Variants in KCNAB3 observed in about 807,000 individuals in gnomAD.
KCNAB3 encodes voltage-gated potassium channel subunit beta-3.
In KCNAB3, 62 loss-of-function variants were observed where a neutral mutation model predicts 67.7. The ratio of observed to expected loss-of-function variants is 0.92; its 90% CI spans 0.75 to 1.13. KCNAB3 has a LOEUF of 1.13. Ranked by LOEUF, KCNAB3 falls within the 50% of genes most tolerant of loss-of-function variation. The pLI is 0.00. For synonymous variants in KCNAB3, 212 were observed against 205.4 expected, an observed-to-expected ratio of 1.03 and a Z score of -0.27; for missense variants, 514 against 522.9, an observed-to-expected ratio of 0.98 and a Z score of 0.17.
intron 1 of KCNAB3, 136 bp from the exon 2 acceptor site, chr17:7,927,962 T>C: frequency 3.9e-6 from 4 of 1,014,510 alleles, no homozygotes; most frequent in South Asian, 1.3e-5. Flanking sequence ...AGTGGGCCTA[T>C]AAGATTGGGC....
chr17:7,929,056 G>T lies in KCNAB3; in HGVS notation c.242+138C>A. 2.3e-6 allele frequency: 3 copies of T among 1,312,124 alleles called. No individual in the cohort carries two copies. The highest frequency in any genetic ancestry group is 2.1e-6 in the Non-Finnish European group (2 of 969,364). The allele number at this position is 1,312,124 out of a possible 1,614,324, so 81.3% of individuals were successfully genotyped here. A position where few individuals can be genotyped will look rare whatever the true frequency, so the allele number is the denominator to read the frequency against. ...CAAGAGAGGGACAAAGTGAGGGAGT[G>T]CCAGAGACAGAAAGAAGAGATGGAA... On this transcript the variant is annotated intron_variant, in intron 1 of 13. Coordinates refer to ENST00000303790, the MANE Select transcript of KCNAB3 (RefSeq NM_004732.4). This position sits in a 1 kb window ranked among gnomAD's most constrained non-coding sequence, Gnocchi z 5.7.
Position 7,929,835 on chromosome 17 carries a change from G to GTAGAT in KCNAB3, c.-401_-400insATCTA. 4.9e-6 allele frequency: 5 copies of GTAGAT among 1,029,896 alleles called. No homozygotes were observed. The highest frequency in any genetic ancestry group is 1.0e-4 in the East Asian group (1 of 9,576). The allele number at this position is 1,029,896 out of a possible 1,614,324, so 63.8% of individuals were successfully genotyped here. ...TGCGGGACCCGCTGGGCTCCCAGCC[G>GTAGAT]CGTCGGCAGCGGGCCCAGCTCATCA... On this transcript the variant is annotated 5_prime_UTR_variant, in exon 1 of 14. Coordinates refer to ENST00000303790, the MANE Select transcript of KCNAB3 (RefSeq NM_004732.4). The surrounding 1 kb of genome is among the most constrained non-coding windows in gnomAD (Gnocchi z 5.7).
rs760403737 is a variant in KCNAB3, at chr17:7,925,177, C to T, written c.545G>A (p.Arg182Gln). Residue 182 changes from arginine (R) to glutamine (Q), a missense_variant, in exon 8 of 14, where the codon CGA becomes CAA. Arg to Gln is a conservative substitution (Grantham distance 43). Coordinates refer to ENST00000303790, the MANE Select transcript of KCNAB3 (RefSeq NM_004732.4). ...LSRKHIIEGL[R>Q]GSLERLQLGY... is the part of the protein sequence containing the mutation. Reference sequence around the variant, plus strand: ...CAGCTGGAGGCGTTCCAGGGATCCTCGCAAGCCTGGAGGTGGGGTAGGGAG... The same window carrying T: ...CAGCTGGAGGCGTTCCAGGGATCCTTGCAAGCCTGGAGGTGGGGTAGGGAG... 41 of 1,613,174 alleles carry T rather than the reference C, an allele frequency of 2.5e-5. No homozygotes were observed. The highest frequency in any genetic ancestry group is 3.3e-5 in the South Asian group (3 of 91,048).
Position 7,923,055 on chromosome 17 carries a change from C to G in KCNAB3, c.*47G>C, listed in dbSNP as rs559998013. The stretch of plus-strand genomic sequence containing the variant: ...AGAGGCGGCTGCGAGGAGCGGGGCT[C>G]GGGCGGGTGCAGCGACACCGGGTTG... On this transcript the variant is annotated 3_prime_UTR_variant, in exon 14 of 14. Transcript: ENST00000303790. 2 of 1,574,964 alleles carry G rather than the reference C, an allele frequency of 1.3e-6. No individual in the cohort carries two copies. The highest frequency in any genetic ancestry group is 2.2e-5 in the East Asian group (1 of 44,660).
chr17:7,928,859 A>G (rs1438961246), intron 1 of KCNAB3, among the ~76,000 whole-genome samples: 1 of 152,162 alleles, frequency 6.6e-6, no homozygotes, highest in East Asian at 1.9e-4. Flanking sequence ...CACGGACCCA[A>G]GGACACTCCA....
chr17:7,925,813 G>A (rs1015278089), intron 6 of KCNAB3, 87 bp from the exon 7 acceptor site: 31 of 1,592,324 alleles, frequency 1.9e-5, no homozygotes, highest in East Asian at 6.7e-5. Flanking sequence ...GGGATTGCAC[G>A]AGTCTTCACA....
At position 7,926,072 on chromosome 17, in the gene KCNAB3, T is replaced by G. The variant is rs1972221450; in HGVS notation, c.436A>C (p.Ser146Arg). 1 of 1,613,964 alleles carries G rather than the reference T, an allele frequency of 6.2e-7. No homozygotes were observed. The highest frequency in any genetic ancestry group is 8.5e-7 in the Non-Finnish European group (1 of 1,180,028). ...AERTLGNILK[S>R]KGWRRSSYVI... ...AAACAGTCTCACCTCCAACCTTTGC[T>G]CTTGAGGATGTTCCCTAGGGTTCTT... is the stretch of plus-strand genomic sequence containing the variant. The change falls in exon 5 of 14, where the codon AGC (serine) becomes CGC (arginine). Residue 146 changes from serine (S) to arginine (R), a missense_variant. Physicochemically the swap from Ser to Arg is moderately radical, Grantham distance 110 (BLOSUM62 -1). Transcript: ENST00000303790.
At chr17:7,923,318 T>TC in intron 13 of KCNAB3, 138 bp downstream of exon 13, 4 of 1,250,090 alleles carry the variant, frequency 3.2e-6, no homozygotes, top group Non-Finnish European at 4.6e-6. Context: ...TGCCTCGCTT[T>TC]CCGGCCCTGG....
chr17:7,923,062 G>T lies in KCNAB3; in HGVS notation c.*40C>A. The T allele has an allele frequency of 6.3e-7, 1 of 1,591,412 alleles. No individual in the cohort carries two copies. Among genetic ancestry groups the T allele is most frequent in the Non-Finnish European group, 8.6e-7 (1 of 1,159,594 alleles). ...GCTGCGAGGAGCGGGGCTCGGGCGG[G>T]TGCAGCGACACCGGGTTGGGTCCCT... On this transcript the variant is annotated 3_prime_UTR_variant, in exon 14 of 14. Coordinates refer to ENST00000303790, the MANE Select transcript of KCNAB3 (RefSeq NM_004732.4).
chr17:7,929,352 G>C lies in KCNAB3; in HGVS notation c.84C>G (p.Pro28=). The C allele has an allele frequency of 4.5e-6, 7 of 1,549,492 alleles. No homozygotes were observed. The highest frequency in any genetic ancestry group is 6.1e-6 in the Non-Finnish European group (7 of 1,146,858). ...CGGCCGGCCCACCATTACCGCCCCC[G>C]GGGCCCGGCCGGGGTCCACACAGAC... is the stretch of plus-strand genomic sequence containing the variant. ...EDRLCGPRPG[P]GGGNGGPAGG... is the part of the protein sequence containing the mutation. Residue 28 remains proline (P), a synonymous_variant, in exon 1 of 14, where the codon CCC becomes CCG. Coordinates refer to ENST00000303790, the MANE Select transcript of KCNAB3 (RefSeq NM_004732.4). This position sits in a 1 kb window ranked among gnomAD's most constrained non-coding sequence, Gnocchi z 5.7.
At chr17:7,925,797 G>T in intron 6 of KCNAB3, 71 bp from the exon 7 acceptor site, 2 of 1,605,450 alleles carry the variant, frequency 1.2e-6, no homozygotes, top group South Asian at 2.2e-5. Context: ...GGAGCCATAA[G>T]GAAATGGGAT....
rs1598031204 is a variant in KCNAB3 at position 7,923,023 on chromosome 17, G to T, written c.*79C>A. 1 of 1,380,282 alleles carries T rather than the reference G, an allele frequency of 7.2e-7. No homozygotes were observed. The highest frequency in any genetic ancestry group is 1.0e-6 in the Non-Finnish European group (1 of 968,314). The allele number at this position is 1,380,282 out of a possible 1,614,324, so 85.5% of individuals were successfully genotyped here. The stretch of plus-strand genomic sequence containing the variant: ...TCCGGCCGCTGCGTGGAGGGATCCG[G>T]AGCGGGAGAGGCGGCTGCGAGGAGC... On this transcript the variant is annotated 3_prime_UTR_variant, in exon 14 of 14. Coordinates refer to ENST00000303790, the MANE Select transcript of KCNAB3 (RefSeq NM_004732.4).
intron 8 of KCNAB3, chr17:7,924,794 G>A: frequency 1.2e-6 from 1 of 848,776 alleles, no homozygotes. Context: ...TCAGGATGTA[G>A]TTCAGTGGTG....
intron 6 of KCNAB3, 61 bp downstream of exon 6, chr17:7,925,870 C>CCA: frequency 6.6e-7 from 1 of 1,516,040 alleles, no homozygotes; most frequent in Non-Finnish European, 9.2e-7. Context: ...ACCCCCACCC[C>CCA]ATACACCTTC....
intron 4 of KCNAB3, 135 bp from the exon 5 acceptor site, chr17:7,926,238 C>G: frequency 1.1e-6 from 1 of 911,632 alleles, no homozygotes; most frequent in South Asian, 1.6e-5. Flanking sequence ...CCATCCTGGA[C>G]AAAATAAGAG....
At chr17:7,925,639 C>T (rs1416996428) in intron 7 of KCNAB3, 44 bp downstream of exon 7, 8 of 1,603,520 alleles carry the variant, frequency 5.0e-6, no homozygotes, top group Non-Finnish European at 6.0e-6. Flanking sequence ...ACTCCTCTGG[C>T]TTCCATATCC....
chr17:7,929,827 TCCCAGCC>T lies in KCNAB3; in HGVS notation c.-399_-393del. The stretch of plus-strand genomic sequence containing the variant: ...CGAACCGCTGCGGGACCCGCTGGGC[TCCCAGCC>T]GCGTCGGCAGCGGGCCCAGCTCATC... On this transcript the variant is annotated 5_prime_UTR_variant, in exon 1 of 14. Coordinates refer to ENST00000303790, the MANE Select transcript of KCNAB3 (RefSeq NM_004732.4). This position sits in a 1 kb window ranked among gnomAD's most constrained non-coding sequence, Gnocchi z 5.7. 1.7e-5 allele frequency: 17 copies of T among 1,026,648 alleles called. No homozygotes were observed. In the South Asian group the frequency reaches 1.8e-4, roughly 11 times the overall value. 63.6% of individuals were successfully genotyped at this position (1,026,648 alleles called of 1,614,324 possible).
intron 2 of KCNAB3, 23 bp from the exon 3 acceptor site, chr17:7,927,717 A>G (rs1166231302): frequency 6.2e-7 from 1 of 1,614,112 alleles, no homozygotes; most frequent in African/African-American, 1.3e-5. Context: ...AGCCAGGCAC[A>G]TGAGAACTGC....
chr17:7,923,361 T>TG, intron 13 of KCNAB3, 95 bp downstream of exon 13: 1 of 1,339,242 alleles, frequency 7.5e-7, no homozygotes. Context: ...GACTTTGTAG[T>TG]GGGTGACCTG....
Sources: allele counts gnomAD v4.1 joint callset (sites outside exome capture counted in the v4.1 genomes callset), GRCh38; gene constraint gnomAD v4.1.1; non-coding constraint Gnocchi (gnomAD v3.1); transcripts MANE v1.5; gene names NCBI Gene and HGNC (gene_info 2026-07-23, HGNC 2026-07-21).